The following C12orf42 variants were observed in gnomAD, a reference collection of about 807,000 sequenced individuals.
C12orf42 encodes the protein uncharacterized protein C12orf42.
Under a neutral mutation model 21.6 loss-of-function variants are expected in C12orf42, and 25 were observed. That is an observed-to-expected ratio of 1.16 (90% CI 0.84 to 1.62). The LOEUF (loss-of-function observed/expected upper bound fraction) is 1.62, where lower values mean the gene tolerates loss of function less well. Ranked by LOEUF, C12orf42 falls within the 40% of genes most tolerant of loss-of-function variation. C12orf42 has a pLI of 0.00. For synonymous variants in C12orf42, 174 were observed against 175.0 expected, an observed-to-expected ratio of 0.99 and a Z score of 0.05; for missense variants, 483 against 459.3, an observed-to-expected ratio of 1.05 and a Z score of -0.47.
chr12:103,069,267 A>G, the C12orf42 span, among the ~76,000 whole-genome samples: 1 of 150,894 alleles, frequency 6.6e-6, no homozygotes, highest in Admixed American at 6.6e-5. Flanking sequence ...ATCTTGCAAT[A>G]TATTTCCTTG....
the C12orf42 span, among the ~76,000 whole-genome samples, chr12:103,514,549 G>T: frequency 6.6e-6 from 1 of 152,150 alleles, no homozygotes; most frequent in Non-Finnish European, 1.5e-5. Flanking sequence ...AGATGCTTCA[G>T]GGCCTTGTAG....
intron 2 of C12orf42, among the ~76,000 whole-genome samples, chr12:103,423,955 C>T (rs1399647405): frequency 6.6e-6 from 1 of 152,086 alleles, no homozygotes; most frequent in Non-Finnish European, 1.5e-5. Context: ...AACTCTATTA[C>T]CTGAAGATGG....
chr12:103,420,781 A>T (rs2049820121), intron 2 of C12orf42, among the ~76,000 whole-genome samples: 1 of 152,076 alleles, frequency 6.6e-6, no homozygotes, highest in Admixed American at 6.5e-5. Flanking sequence ...GGCCTCCCAA[A>T]GTGCTGGGAT....
intron 3 of C12orf42, among the ~76,000 whole-genome samples, chr12:103,377,489 A>G (rs1174906732): frequency 6.6e-6 from 1 of 151,920 alleles, no homozygotes; most frequent in Non-Finnish European, 1.5e-5. Context: ...CCAAGAATGT[A>G]TTTACCAGAC....
chr12:103,118,020 T>A, the C12orf42 span, among the ~76,000 whole-genome samples: 2 of 152,242 alleles, frequency 1.3e-5, no homozygotes, highest in African/African-American at 4.8e-5. Context: ...AAGCATTAGA[T>A]ACTTAAGTGT....
chr12:103,488,455 C>G (rs1565904226), intron 1 of C12orf42, among the ~76,000 whole-genome samples: 1 of 152,106 alleles, frequency 6.6e-6, no homozygotes, highest in Non-Finnish European at 1.5e-5. Flanking sequence ...TGCGGAGTAT[C>G]TTTGTGGTGT....
At chr12:103,354,697 G>T (rs1879621) in intron 4 of C12orf42, among the ~76,000 whole-genome samples, 74,540 of 151,968 alleles carry the variant, frequency 0.49, 20,874 homozygotes, top group African/African-American at 0.76. Context: ...TCTATTACAC[G>T]GTAGGGTAAC....
intron 3 of C12orf42, among the ~76,000 whole-genome samples, chr12:103,378,165 C>A (rs1012499874): frequency 6.6e-6 from 1 of 152,128 alleles, no homozygotes; most frequent in Admixed American, 6.5e-5. Context: ...CCACATGCAA[C>A]CTATTTGCAG....
the C12orf42 span, among the ~76,000 whole-genome samples, chr12:103,536,816 C>T: frequency 6.6e-6 from 1 of 152,206 alleles, no homozygotes; most frequent in African/African-American, 2.4e-5. Flanking sequence ...CCAATAAATG[C>T]CACCTCATCA....
the C12orf42 span, among the ~76,000 whole-genome samples, chr12:103,076,110 GA>G: frequency 1.3e-5 from 2 of 152,148 alleles, no homozygotes; most frequent in East Asian, 3.9e-4. Context: ...GATAGTATTA[GA>G]AGAAATACCT....
chr12:103,146,537 G>GAGAAAT, the C12orf42 span, among the ~76,000 whole-genome samples: 1 of 116,446 alleles, frequency 8.6e-6, no homozygotes, highest in African/African-American at 3.3e-5. Flanking sequence ...AGAAAAGAAA[G>GAGAAAT]AAAGAAAGAG....
the C12orf42 span, among the ~76,000 whole-genome samples, chr12:103,147,845 G>A: frequency 2.0e-5 from 3 of 151,896 alleles, no homozygotes; most frequent in Non-Finnish European, 4.4e-5. Context: ...AAAGATTGCA[G>A]AGAAAGTCTG....
chr12:103,299,914 A>G (rs77567060), downstream of C12orf42, among the ~76,000 whole-genome samples: 885 of 152,298 alleles, frequency 5.8e-3, 11 homozygotes, highest in African/African-American at 0.02. Flanking sequence ...GGCTGAGTCA[A>G]CTAATTTTCT....
At chr12:103,152,085 TAGCC>T in the C12orf42 span, among the ~76,000 whole-genome samples, 1 of 152,254 alleles carries the variant, frequency 6.6e-6, no homozygotes, top group East Asian at 1.9e-4. Flanking sequence ...CCCCAGCCAA[TAGCC>T]AGGAAAACAA....
chr12:103,450,149 T>C (rs954764125), intron 2 of C12orf42, among the ~76,000 whole-genome samples: 3 of 152,088 alleles, frequency 2.0e-5, no homozygotes, highest in African/African-American at 4.8e-5. Context: ...CTTAATCTAT[T>C]AGTGTGGTAA....
At chr12:103,235,618 G>A (rs1565986061), downstream of C12orf42, among the ~76,000 whole-genome samples, 1 of 152,100 alleles carries the variant, frequency 6.6e-6, no homozygotes, top group African/African-American at 2.4e-5. Context: ...ATGTATGTAA[G>A]TAACTTCCCT....
In C12orf42 at chr12:103,401,695, G is replaced by T. The variant is rs1566245098; in HGVS notation, c.79-20C>A. 1 of 1,604,348 alleles carries T rather than the reference G, an allele frequency of 6.2e-7. No homozygotes were observed. Among genetic ancestry groups the T allele is most frequent in the Non-Finnish European group, 8.5e-7 (1 of 1,171,472 alleles). The stretch of plus-strand genomic sequence containing the variant: ...GGATTTCTGAAACATTAGAAACAAG[G>T]CATTTAGTATCACTTCAATAATTCT... On this transcript the variant is annotated intron_variant, in intron 2 of 5. Coordinates refer to ENST00000548883, the MANE Select transcript of C12orf42 (RefSeq NM_198521.5).
the C12orf42 span, among the ~76,000 whole-genome samples, chr12:103,129,654 G>A: frequency 6.6e-6 from 1 of 152,094 alleles, no homozygotes; most frequent in Admixed American, 6.5e-5. Context: ...TCTCTCTTAT[G>A]TTTAAACACT....
At chr12:103,298,921 T>C (rs1033972179), downstream of C12orf42, among the ~76,000 whole-genome samples, 4 of 152,242 alleles carry the variant, frequency 2.6e-5, no homozygotes, top group Non-Finnish European at 4.4e-5. Flanking sequence ...TCTTATGCTT[T>C]GTTTGTCAAA....
Sources: gnomAD v4.1 joint callset for allele counts (sites outside exome capture counted in the v4.1 genomes callset) on GRCh38, gnomAD v4.1.1 for gene constraint, MANE v1.5 for transcripts, NCBI Gene and HGNC (gene_info 2026-07-23, HGNC 2026-07-21) for gene names.